The following KCTD10 variants were observed in gnomAD, a reference collection of about 807,000 sequenced individuals.
The protein encoded by KCTD10 is BTB/POZ domain-containing adapter for CUL3-mediated RhoA degradation protein 3.
In KCTD10, 13 loss-of-function variants were observed where a neutral mutation model predicts 34.6. The ratio of observed to expected loss-of-function variants is 0.38; its 90% CI spans 0.24 to 0.60. The LOEUF (loss-of-function observed/expected upper bound fraction) is 0.60. Among genes scored for constraint, KCTD10 ranks in the 20% least tolerant of loss-of-function variants. KCTD10 has a pLI of 0.66. For missense variants in KCTD10, 256 were observed against 420.3 expected (o/e 0.61, Z 3.42); for synonymous variants, 156 against 168.8 (o/e 0.92, Z 0.59).
intron 2 of KCTD10, chr12:109,464,772 T>A: frequency 2.2e-6 from 1 of 454,418 alleles, no homozygotes; most frequent in South Asian, 1.6e-5. Context: ...AGGTACCATA[T>A]CATACTCACC....
Position 109,449,698 on chromosome 12 carries a change from C to G in KCTD10, c.*1897G>C, listed in dbSNP as rs1204281375. ...TGGAGATGGTGCCACTACACTCCAG[C>G]CTGGCCAATAGAGCAAGACTCCGCC... On this transcript the variant is annotated 3_prime_UTR_variant, in exon 7 of 7. Transcript: ENST00000228495. 2 of 152,152 alleles carry G rather than the reference C, an allele frequency of 1.3e-5. No homozygotes were observed. Among genetic ancestry groups the G allele is most frequent in the Non-Finnish European group, 1.5e-5 (1 of 68,030 alleles). 9.4% of individuals were successfully genotyped at this position (152,152 alleles called of 1,614,324 possible).
At chr12:109,459,826 A>G (rs1026472493) in intron 3 of KCTD10, among the ~76,000 whole-genome samples, 1 of 152,268 alleles carries the variant, frequency 6.6e-6, no homozygotes, top group Non-Finnish European at 1.5e-5. Context: ...AGGTTACTGC[A>G]AGGGTGAAGG....
At chr12:109,475,374 G>C (rs1231892198) in intron 1 of KCTD10, among the ~76,000 whole-genome samples, 2 of 152,146 alleles carry the variant, frequency 1.3e-5, no homozygotes, top group Non-Finnish European at 2.9e-5. Context: ...CTACTCGGGA[G>C]ACTGCGGTGG....
Position 109,460,878 on chromosome 12 carries a change from GTC to G in KCTD10, c.218-75_218-74del. 5 of 1,445,642 alleles carry G rather than the reference GTC, an allele frequency of 3.5e-6. No individual in the cohort carries two copies. Among genetic ancestry groups the G allele is most frequent in the Non-Finnish European group, 4.8e-6 (5 of 1,046,692 alleles). The allele number at this position is 1,445,642 out of a possible 1,614,324, so 89.6% of individuals were successfully genotyped here. On this transcript the variant is annotated intron_variant, in intron 2 of 6. Transcript: ENST00000228495. The surrounding 1 kb of genome is among the most constrained non-coding windows in gnomAD (Gnocchi z 4.5). ...GGGAGGCCCTGAGCAGAGCTGGGGTGTCTCTCGGCTCCCTCTACCTCCCAGCG... is the reference window on the plus strand; with the variant it reads ...GGGAGGCCCTGAGCAGAGCTGGGGTGTCTCGGCTCCCTCTACCTCCCAGCG...
At chr12:109,461,457 T>C (rs1034593766) in intron 2 of KCTD10, among the ~76,000 whole-genome samples, 6 of 152,182 alleles carry the variant, frequency 3.9e-5, no homozygotes, top group South Asian at 2.1e-4. Flanking sequence ...TCAGCTTTTA[T>C]TGGATATGGA....
intron 6 of KCTD10, among the ~76,000 whole-genome samples, chr12:109,453,320 G>A (rs532115383): frequency 6.6e-6 from 1 of 152,228 alleles, no homozygotes; most frequent in African/African-American, 2.4e-5. Context: ...CTCCCAAGTA[G>A]TTTAGACTAC....
intron 1 of KCTD10, among the ~76,000 whole-genome samples, chr12:109,472,347 C>T (rs115107778): frequency 0.021 from 3,237 of 151,996 alleles, 107 homozygotes; most frequent in African/African-American, 0.073. Flanking sequence ...ATTAGCCTAG[C>T]CTACACAGGG....
At position 109,477,256 on chromosome 12, in the gene KCTD10, C is replaced by T. The variant is rs369239008; in HGVS notation, c.3+4G>A. ...CCCTAGTCCATGGGCACCGCCCTCC[C>T]TACCATGAAAAGTCGGAGGACGCAG... On this transcript the variant is annotated splice_donor_region_variant and intron_variant, in intron 1 of 6. Transcript: ENST00000228495. 2.4e-5 allele frequency: 39 copies of T among 1,614,024 alleles called. No individual in the cohort carries two copies. The African/African-American group carries it at 4.3e-4, about 18-fold the overall frequency.
intron 2 of KCTD10, among the ~76,000 whole-genome samples, chr12:109,467,865 G>A (rs1372510967): frequency 6.6e-6 from 1 of 152,114 alleles, no homozygotes; most frequent in Admixed American, 6.5e-5. Context: ...CGGGGACAGG[G>A]GGACAGAGGA....
intron 1 of KCTD10, among the ~76,000 whole-genome samples, chr12:109,475,493 A>G (rs1874129374): frequency 6.6e-6 from 1 of 151,910 alleles, no homozygotes; most frequent in African/African-American, 2.4e-5. Context: ...AAACAAAAAC[A>G]AACTCACACA....
At chr12:109,464,388 T>A (rs751432104) in intron 2 of KCTD10, among the ~76,000 whole-genome samples, 1 of 152,178 alleles carries the variant, frequency 6.6e-6, no homozygotes, top group Non-Finnish European at 1.5e-5. Flanking sequence ...TCTACTCACT[T>A]GACGCCAGGA....
At chr12:109,457,366 T>C (rs1873070970) in intron 5 of KCTD10, 3 of 361,070 alleles carry the variant, frequency 8.3e-6, no homozygotes, top group South Asian at 1.2e-4. Flanking sequence ...AGATAGTCGT[T>C]ATGGCCTCAC....
At chr12:109,472,174 A>T (rs1696318587) in intron 1 of KCTD10, among the ~76,000 whole-genome samples, 1 of 152,182 alleles carries the variant, frequency 6.6e-6, no homozygotes, top group Non-Finnish European at 1.5e-5. Flanking sequence ...AAAACTTTTT[A>T]ATTTTTTTTT....
rs1873834077 is a variant in KCTD10 at position 109,470,522 on chromosome 12, C to T, written c.4-794G>A. On this transcript the variant is annotated intron_variant, in intron 1 of 6. Transcript: ENST00000228495. ...GATTGGTATCCGGCACATGTGTACT[C>T]AGAGCAAACATGTCTGAAATGAACA... 1.0e-5 allele frequency: 10 copies of T among 985,436 alleles called. No homozygotes were observed. The South Asian group carries it at 3.8e-4, about 37-fold the overall frequency. The allele number at this position is 985,436 out of a possible 1,614,324, so 61.0% of individuals were successfully genotyped here.
At chr12:109,457,573 G>A (rs1216673447) in intron 5 of KCTD10, 57 bp downstream of exon 5, 4 of 1,480,284 alleles carry the variant, frequency 2.7e-6, no homozygotes, top group Non-Finnish European at 3.8e-6. Flanking sequence ...GGGCCTGGCT[G>A]GTGTGAGTGG....
chr12:109,467,054 C>T (rs1170427041), intron 2 of KCTD10, among the ~76,000 whole-genome samples: 2 of 152,250 alleles, frequency 1.3e-5, no homozygotes, highest in East Asian at 3.9e-4. Flanking sequence ...CAGCCCAGGC[C>T]TTCACGAGGG....
At chr12:109,470,262 T>A (rs1873820090) in intron 1 of KCTD10, 1 of 985,810 alleles carries the variant, frequency 1.0e-6, no homozygotes, top group Non-Finnish European at 1.2e-6. Context: ...TTTATGAAGT[T>A]GAATGGGATT....
At chr12:109,467,854 T>G (rs1873668128) in intron 2 of KCTD10, among the ~76,000 whole-genome samples, 1 of 151,956 alleles carries the variant, frequency 6.6e-6, no homozygotes, top group South Asian at 2.1e-4. Context: ...CTCTGTCCAG[T>G]CGGGGACAGG....
chr12:109,461,180 A>G (rs992944398), intron 2 of KCTD10, among the ~76,000 whole-genome samples: 1 of 152,258 alleles, frequency 6.6e-6, no homozygotes, highest in Non-Finnish European at 1.5e-5. Flanking sequence ...CAAGGATAGA[A>G]GAAAGCCTTC....
Sources: gnomAD v4.1 joint callset for allele counts (sites outside exome capture counted in the v4.1 genomes callset) on GRCh38, gnomAD v4.1.1 for gene constraint, Gnocchi (gnomAD v3.1) non-coding constraint, MANE v1.5 for transcripts, NCBI Gene and HGNC (gene_info 2026-07-23, HGNC 2026-07-21) for gene names.